The following CRY1 variants were observed in gnomAD, a reference collection of about 807,000 sequenced individuals.
CRY1 encodes cryptochrome circadian regulator 1.
Under a neutral mutation model 76.0 loss-of-function variants are expected in CRY1, and 45 were observed. The observed-to-expected ratio is 0.59, with a 90% confidence interval of 0.47 to 0.76. The LOEUF (loss-of-function observed/expected upper bound fraction) is 0.76, where lower values mean the gene tolerates loss of function less well. CRY1 is among the 30% of genes least tolerant of loss of function. CRY1 has a pLI of 0.00. For missense variants in CRY1, 587 were observed against 716.4 expected, an observed-to-expected ratio of 0.82 and a Z score of 2.06; for synonymous variants, 248 against 244.0, an observed-to-expected ratio of 1.02 and a Z score of -0.15.
chr12:107,017,927 A>T (rs951697004), intron 2 of CRY1, among the ~76,000 whole-genome samples: 2 of 152,156 alleles, frequency 1.3e-5, no homozygotes, highest in African/African-American at 4.8e-5. Flanking sequence ...ACTCTTCTCT[A>T]CAGCACATAT....
At chr12:107,064,930 T>C (rs1436802161) in intron 1 of CRY1, among the ~76,000 whole-genome samples, 1 of 152,178 alleles carries the variant, frequency 6.6e-6, no homozygotes, top group East Asian at 1.9e-4. Flanking sequence ...GGGCAAAAGC[T>C]GGACAATGAT....
chr12:107,008,780 G>GCC (rs564515774), intron 2 of CRY1, among the ~76,000 whole-genome samples: 3 of 152,122 alleles, frequency 2.0e-5, no homozygotes, highest in Non-Finnish European at 4.4e-5. Flanking sequence ...GAATCATGGG[G>GCC]GTGGGTTTCG....
intron 1 of CRY1, among the ~76,000 whole-genome samples, chr12:107,052,820 G>A (rs1952938449): frequency 6.6e-6 from 1 of 152,190 alleles, no homozygotes; most frequent in African/African-American, 2.4e-5. Flanking sequence ...AGTGGCAAGA[G>A]ATTATTAGGT....
At chr12:107,021,563 A>G (rs893501999) in intron 2 of CRY1, among the ~76,000 whole-genome samples, 8 of 152,216 alleles carry the variant, frequency 5.3e-5, no homozygotes, top group Non-Finnish European at 1.0e-4. Context: ...CGAGGAAATG[A>G]TATGGAACAA....
chr12:107,014,426 G>A (rs1415831324), intron 2 of CRY1, among the ~76,000 whole-genome samples: 1 of 152,166 alleles, frequency 6.6e-6, no homozygotes, highest in African/African-American at 2.4e-5. Context: ...AGTATATCAA[G>A]AAGAAAAGCT....
At chr12:107,040,951 T>A (rs1338397781) in intron 1 of CRY1, among the ~76,000 whole-genome samples, 1 of 151,886 alleles carries the variant, frequency 6.6e-6, no homozygotes, top group Non-Finnish European at 1.5e-5. Flanking sequence ...GATCTTGCTA[T>A]GCTGCCCAGG....
chr12:107,001,910 T>A lies in CRY1; in HGVS notation c.449A>T (p.Tyr150Phe), dbSNP rs563510342. Reference sequence around the variant, plus strand: ...GCTGATGAGAGTCTGGAATCTTTTATAAGTTAGAGGCGGTTGTCCACCATT... The same window carrying A: ...GCTGATGAGAGTCTGGAATCTTTTAAAAGTTAGAGGCGGTTGTCCACCATT... ...ELNGGQPPLTYKRFQTLISKM... is the reference protein window; with the variant it reads ...ELNGGQPPLTFKRFQTLISKM... The change falls in exon 4 of 13, where the codon TAT (tyrosine) becomes TTT (phenylalanine). Residue 150 changes from tyrosine (Y) to phenylalanine (F), a missense_variant. By Grantham distance (22) the Tyr-to-Phe change is conservative. Coordinates refer to ENST00000008527, the MANE Select transcript of CRY1 (RefSeq NM_004075.5). 6.3e-7 allele frequency: 1 copy of A among 1,599,174 alleles called. No homozygotes were observed. The highest frequency in any genetic ancestry group is 1.1e-5 in the South Asian group (1 of 87,458).
intron 2 of CRY1, among the ~76,000 whole-genome samples, chr12:107,016,415 A>G (rs1178744807): frequency 6.6e-6 from 1 of 152,258 alleles, no homozygotes; most frequent in African/African-American, 2.4e-5. Context: ...GAAAATAAGC[A>G]ATGTAAAATT....
chr12:107,088,567 A>G lies in CRY1; in HGVS notation c.158+4237T>C, dbSNP rs148653696. Reference sequence around the variant, plus strand: ...TGAGGAGACAGAGAAAGCATCGTCTATTCAGCAGAGACACTGAATCTGCTG... The same window carrying G: ...TGAGGAGACAGAGAAAGCATCGTCTGTTCAGCAGAGACACTGAATCTGCTG... On this transcript the variant is annotated intron_variant, in intron 1 of 12. Coordinates refer to ENST00000008527, the MANE Select transcript of CRY1 (RefSeq NM_004075.5). Among the ~76,000 whole-genome samples, 97 of 152,332 alleles carry G rather than the reference A, an allele frequency of 6.4e-4. 1 individual carries two copies. The highest frequency in any genetic ancestry group is 2.2e-3 in the African/African-American group (93 of 41,564).
At chr12:107,002,555 G>A (rs142640108) in intron 3 of CRY1, among the ~76,000 whole-genome samples, 1,909 of 152,160 alleles carry the variant, frequency 0.013, 20 homozygotes, top group Non-Finnish European at 0.021. Context: ...CTACTTATTT[G>A]ATTAAAATTC....
intron 1 of CRY1, among the ~76,000 whole-genome samples, chr12:107,037,888 T>C (rs1952754475): frequency 6.6e-6 from 1 of 152,042 alleles, no homozygotes; most frequent in Non-Finnish European, 1.5e-5. Flanking sequence ...TTTTAATTTT[T>C]TGTAGCTATG....
At chr12:107,074,143 C>T (rs1953222656) in intron 1 of CRY1, among the ~76,000 whole-genome samples, 2 of 152,052 alleles carry the variant, frequency 1.3e-5, no homozygotes, top group African/African-American at 4.8e-5. Flanking sequence ...CCTTTCTATT[C>T]CCACATTACC....
Position 106,999,631 on chromosome 12 carries a change from T to C in CRY1, c.1057A>G (p.Ile353Val), listed in dbSNP as rs779963529. ...ACTGCATGCCTGGCTAGATGATGAATCCAACCCTCCTGACGAAGCTGTGTC... is the reference window on the plus strand; with the variant it reads ...ACTGCATGCCTGGCTAGATGATGAACCCAACCCTCCTGACGAAGCTGTGTC... ...IMTQLRQEGW[I>V]HHLARHAVAC... The change falls in exon 7 of 13, where the codon ATT becomes GTT. Residue 353 changes from isoleucine to valine, a missense_variant. Coordinates refer to ENST00000008527, the MANE Select transcript of CRY1 (RefSeq NM_004075.5). The C allele has an allele frequency of 4.3e-6, 7 of 1,614,114 alleles. No homozygotes were observed. The South Asian group carries it at 7.7e-5, about 18-fold the overall frequency.
At chr12:107,000,308 C>T (rs1387371932) in intron 5 of CRY1, among the ~76,000 whole-genome samples, 1 of 126,716 alleles carries the variant, frequency 7.9e-6, no homozygotes, top group Non-Finnish European at 1.9e-5. Flanking sequence ...AATAAATTTC[C>T]TTCAAATTTC....
At chr12:107,052,703 T>C (rs923650761) in intron 1 of CRY1, among the ~76,000 whole-genome samples, 1 of 152,148 alleles carries the variant, frequency 6.6e-6, no homozygotes, top group Admixed American at 6.6e-5. Context: ...TAAGGAAACA[T>C]TTTGTGCAGA....
At chr12:107,001,250 A>G in intron 5 of CRY1, 30 bp downstream of exon 5, 1 of 1,501,420 alleles carries the variant, frequency 6.7e-7, no homozygotes. Flanking sequence ...TGGAAATACA[A>G]GCATAGCTAT....
intron 1 of CRY1, among the ~76,000 whole-genome samples, chr12:107,033,657 T>C (rs140104006): frequency 3.0e-4 from 46 of 152,160 alleles, no homozygotes; most frequent in African/African-American, 1.1e-3. Flanking sequence ...ATTGACGAGA[T>C]GTATAAAGAG....
intron 1 of CRY1, among the ~76,000 whole-genome samples, chr12:107,088,494 T>G (rs1435752949): frequency 1.4e-5 from 2 of 139,268 alleles, no homozygotes; most frequent in Non-Finnish European, 3.1e-5. Context: ...ACTAAGGGAG[T>G]GCTCTTATAA....
intron 1 of CRY1, among the ~76,000 whole-genome samples, chr12:107,034,137 T>C (rs1307907123): frequency 3.3e-5 from 5 of 151,850 alleles, no homozygotes; most frequent in Non-Finnish European, 7.4e-5. Context: ...GTAAAGAAGG[T>C]AGCCAAAACC....
Sources: allele counts gnomAD v4.1 joint callset (sites outside exome capture counted in the v4.1 genomes callset), GRCh38; gene constraint gnomAD v4.1.1; transcripts MANE v1.5; gene names NCBI Gene and HGNC (gene_info 2026-07-23, HGNC 2026-07-21).